HEMK1: variants seen among roughly 807,000 people sequenced by gnomAD.
HEMK1 encodes MTRF1L release factor glutamine methyltransferase.
HEMK1 carries 36 observed loss-of-function variants against 47.9 expected under a neutral mutation model. The ratio of observed to expected loss-of-function variants is 0.75; its 90% CI spans 0.58 to 0.99. HEMK1 has a LOEUF of 0.99. HEMK1 is among the 50% of genes least tolerant of loss of function. The probability of loss-of-function intolerance (pLI) is 0.00; values close to 1 mark genes in which losing one functional copy is unlikely to be tolerated. For synonymous variants in HEMK1, 153 were observed against 165.4 expected, an observed-to-expected ratio of 0.93 and a Z score of 0.57; for missense variants, 383 against 434.5, an observed-to-expected ratio of 0.88 and a Z score of 1.05.
At chr3:50,569,485 A>G (rs1700632360), upstream of HEMK1, 1 of 151,362 alleles carries the variant, frequency 6.6e-6, no homozygotes, top group African/African-American at 2.4e-5. Context: ...GGGGCGTCCG[A>G]GGGAGCGCGC....
At position 50,585,520 on chromosome 3, in the gene HEMK1, G is replaced by A. The variant is rs1483496073; in HGVS notation, c.*5103G>A. 1 of 152,262 alleles carries A rather than the reference G, an allele frequency of 6.6e-6. No individual in the cohort carries two copies. The highest frequency in any genetic ancestry group is 1.9e-4 in the East Asian group (1 of 5,200). 9.4% of individuals were successfully genotyped at this position (152,262 alleles called of 1,614,324 possible). A position where few individuals can be genotyped will look rare whatever the true frequency, so the allele number is the denominator to read the frequency against. On this transcript the variant is annotated 3_prime_UTR_variant, in exon 11 of 11. Transcript: ENST00000232854. ...GGGACTAGGACCTCCCTTTCCAGGG[G>A]TACTAAAGGACTCTGGAGACACCAT... is the stretch of plus-strand genomic sequence containing the variant.
In HEMK1 at chr3:50,594,448, A is replaced by G. The variant is rs1384909260; in HGVS notation, c.*14031A>G. 2 of 152,292 alleles carry G rather than the reference A, an allele frequency of 1.3e-5. No homozygotes were observed. The highest frequency in any genetic ancestry group is 2.9e-5 in the Non-Finnish European group (2 of 68,080). The allele number at this position is 152,292 out of a possible 1,614,324, so 9.4% of individuals were successfully genotyped here. A position where few individuals can be genotyped will look rare whatever the true frequency, so the allele number is the denominator to read the frequency against. Reference sequence around the variant, plus strand: ...GATCCTTATCCTTAGGCCATGGGGCATGCATTCAGTCACCATCTGCTGGCA... The same window carrying G: ...GATCCTTATCCTTAGGCCATGGGGCGTGCATTCAGTCACCATCTGCTGGCA... On this transcript the variant is annotated 3_prime_UTR_variant, in exon 11 of 11. Transcript: ENST00000232854.
In HEMK1 at chr3:50,580,741, G is replaced by A. The variant is rs1175370432; in HGVS notation, c.*324G>A. 2 of 410,086 alleles carry A rather than the reference G, an allele frequency of 4.9e-6. No homozygotes were observed. The highest frequency in any genetic ancestry group is 8.9e-6 in the Non-Finnish European group (2 of 224,898). The allele number at this position is 410,086 out of a possible 1,614,324, so 25.4% of individuals were successfully genotyped here. On this transcript the variant is annotated 3_prime_UTR_variant, in exon 11 of 11. Transcript: ENST00000232854. Reference sequence around the variant, plus strand: ...GACCCCCTTACTCCCAGGTAGCACTGGGGCAAGGGTTTCCTTCTGCCCCAG... The same window carrying A: ...GACCCCCTTACTCCCAGGTAGCACTAGGGCAAGGGTTTCCTTCTGCCCCAG...
At chr3:50,571,384 G>T in intron 2 of HEMK1, 52 bp downstream of exon 2, 3 of 1,370,292 alleles carry the variant, frequency 2.2e-6, no homozygotes, top group South Asian at 2.7e-5. Flanking sequence ...GGAGGACTTG[G>T]GGAAGGGATA....
At chr3:50,572,928 G>A (rs889928700) in intron 4 of HEMK1, among the ~76,000 whole-genome samples, 4 of 152,146 alleles carry the variant, frequency 2.6e-5, no homozygotes, top group Non-Finnish European at 4.4e-5. Flanking sequence ...GTGAGAGCTG[G>A]TGGGCAAGCC....
At position 50,592,103 on chromosome 3, in the gene HEMK1, A is replaced by AG. The variant is rs2031756517; in HGVS notation, c.*11686_*11687insG. 7.1e-6 allele frequency: 1 copy of AG among 140,696 alleles called. No homozygotes were observed. 8.7% of individuals were successfully genotyped at this position (140,696 alleles called of 1,614,324 possible). A position where few individuals can be genotyped will look rare whatever the true frequency, so the allele number is the denominator to read the frequency against. On this transcript the variant is annotated 3_prime_UTR_variant, in exon 11 of 11. Coordinates refer to ENST00000232854, the MANE Select transcript of HEMK1 (RefSeq NM_016173.5). ...ACGACAGAGTGAGACTCCGCATCAG[A>AG]AAAAAAAAAAAAAGAAAGAAAAGAG...
In HEMK1 at chr3:50,581,396, A is replaced by T. The variant is rs1193668913; in HGVS notation, c.*979A>T. ...ATGGCAAACCAGGCTGTCTCATTCC[A>T]CTAGACTGCCCCCTGCCACCCTGGC... is the stretch of plus-strand genomic sequence containing the variant. On this transcript the variant is annotated 3_prime_UTR_variant, in exon 11 of 11. Coordinates refer to ENST00000232854, the MANE Select transcript of HEMK1 (RefSeq NM_016173.5). 6.6e-6 allele frequency: 1 copy of T among 151,240 alleles called. No homozygotes were observed. The highest frequency in any genetic ancestry group is 2.4e-5 in the African/African-American group (1 of 41,428). 9.4% of individuals were successfully genotyped at this position (151,240 alleles called of 1,614,324 possible). A position where few individuals can be genotyped will look rare whatever the true frequency, so the allele number is the denominator to read the frequency against.
In HEMK1 at chr3:50,591,348, T is replaced by C. The variant is rs2031711812; in HGVS notation, c.*10931T>C. ...AGAACTCATGGACTTGCACATAGAC[T>C]CCTCCTGACAGGCCCCTCATGAGTA... On this transcript the variant is annotated 3_prime_UTR_variant, in exon 11 of 11. Transcript: ENST00000232854. The C allele has an allele frequency of 6.6e-6, 1 of 152,246 alleles. No homozygotes were observed. Among genetic ancestry groups the C allele is most frequent in the African/African-American group, 2.4e-5 (1 of 41,456 alleles). 9.4% of individuals were successfully genotyped at this position (152,246 alleles called of 1,614,324 possible).
chr3:50,592,096 G>A lies in HEMK1; in HGVS notation c.*11679G>A, dbSNP rs1158030996. On this transcript the variant is annotated 3_prime_UTR_variant, in exon 11 of 11. Transcript: ENST00000232854. ...AGCCTGGACGACAGAGTGAGACTCC[G>A]CATCAGAAAAAAAAAAAAAAGAAAG... 8 of 147,154 alleles carry A rather than the reference G, an allele frequency of 5.4e-5. No individual in the cohort carries two copies. Among genetic ancestry groups the A allele is most frequent in the African/African-American group, 7.6e-5 (3 of 39,342 alleles). 9.1% of individuals were successfully genotyped at this position (147,154 alleles called of 1,614,324 possible).
chr3:50,587,944 G>C lies in HEMK1; in HGVS notation c.*7527G>C, dbSNP rs2031493085. 6.6e-6 allele frequency: 1 copy of C among 152,276 alleles called. No individual in the cohort carries two copies. The highest frequency in any genetic ancestry group is 6.5e-5 in the Admixed American group (1 of 15,284). The allele number at this position is 152,276 out of a possible 1,614,324, so 9.4% of individuals were successfully genotyped here. A position where few individuals can be genotyped will look rare whatever the true frequency, so the allele number is the denominator to read the frequency against. ...TTGCTGAGGGTTTGGATGTGAGATGGCCAGGACCACAGTGGGCCCAGGGAT... is the reference window on the plus strand; with the variant it reads ...TTGCTGAGGGTTTGGATGTGAGATGCCCAGGACCACAGTGGGCCCAGGGAT... On this transcript the variant is annotated 3_prime_UTR_variant, in exon 11 of 11. Coordinates refer to ENST00000232854, the MANE Select transcript of HEMK1 (RefSeq NM_016173.5). The surrounding 1 kb of genome is among the most constrained non-coding windows in gnomAD (Gnocchi z 4.2).
intron 1 of HEMK1, 181 bp from the exon 2 acceptor site, chr3:50,570,750 A>G (rs1700861937): frequency 5.2e-6 from 1 of 191,730 alleles, no homozygotes; most frequent in African/African-American, 2.3e-5. Flanking sequence ...AGCCCACTCC[A>G]GCTAAAAATG....
chr3:50,574,157 C>T (rs1020022362), intron 4 of HEMK1, among the ~76,000 whole-genome samples: 4 of 152,232 alleles, frequency 2.6e-5, no homozygotes, highest in Admixed American at 6.5e-5. Context: ...ACCTCTTTCC[C>T]GCATGCGTCT....
rs1244228230 is a variant in HEMK1, at chr3:50,577,544, T to C, written c.585T>C (p.Ala195=). ...RVIAVDKREA[A]ISLTHENAQR... ...TTGCTGTGGATAAGCGGGAAGCTGC[T>C]ATCTCTCTGACCCATGAGAATGCTC... The change falls in exon 6 of 11, where the codon GCT becomes GCC. Residue 195 remains alanine (A), a synonymous_variant. Transcript: ENST00000232854. 2 of 1,614,142 alleles carry C rather than the reference T, an allele frequency of 1.2e-6. No individual in the cohort carries two copies. Among genetic ancestry groups the C allele is most frequent in the Non-Finnish European group, 1.7e-6 (2 of 1,179,994 alleles).
At chr3:50,570,335 A>C (rs1023846956) in intron 1 of HEMK1, 1 of 152,200 alleles carries the variant, frequency 6.6e-6, no homozygotes, top group African/African-American at 2.4e-5. Context: ...TACAATTGTA[A>C]ATTTTTTAGT....
intron 8 of HEMK1, among the ~76,000 whole-genome samples, chr3:50,579,352 C>T (rs2269507): frequency 0.1 from 15,307 of 152,080 alleles, 952 homozygotes; most frequent in Non-Finnish European, 0.13. Context: ...GTGGGAAAGC[C>T]GGGACTAAAA....
chr3:50,571,749 A>T lies in HEMK1; in HGVS notation c.268A>T (p.Thr90Ser). ...LRPALWTQPL[T>S]SQQLQCIREL... ...GCCGGCACTTTGGACCCAGCCCTTG[A>T]CCTCTCAGCAACTACAGTGTATCCG... Residue 90 changes from threonine (T) to serine (S), a missense_variant, in exon 3 of 11, where the codon ACC (threonine) becomes TCC (serine). Physicochemically the swap from Thr to Ser is moderately conservative, Grantham distance 58. Transcript: ENST00000232854. 1 of 1,613,972 alleles carries T rather than the reference A, an allele frequency of 6.2e-7. No homozygotes were observed. Among genetic ancestry groups the T allele is most frequent in the Non-Finnish European group, 8.5e-7 (1 of 1,179,976 alleles).
At position 50,577,523 on chromosome 3, in the gene HEMK1, T is replaced by C. The variant is rs544804909; in HGVS notation, c.564T>C (p.Ala188=). ...TCTTGGGACAGAGCCGAGTCATTGC[T>C]GTGGATAAGCGGGAAGCTGCTATCT... ...LSQLPQSRVI[A]VDKREAAISL... The change falls in exon 6 of 11, where the codon GCT becomes GCC. Residue 188 remains alanine (A), a synonymous_variant. Transcript: ENST00000232854. The C allele has an allele frequency of 4.3e-6, 7 of 1,614,178 alleles. No individual in the cohort carries two copies. In the East Asian group the frequency reaches 1.1e-4, roughly 26 times the overall value.
intron 6 of HEMK1, 92 bp downstream of exon 6, chr3:50,577,665 G>A: frequency 7.0e-7 from 1 of 1,434,932 alleles, no homozygotes; most frequent in Admixed American, 1.7e-5. Context: ...CAAGAAGGAG[G>A]AAGCAGTGGG....
In HEMK1 at chr3:50,585,126, A is replaced by T. The variant is rs1450579840; in HGVS notation, c.*4709A>T. On this transcript the variant is annotated 3_prime_UTR_variant, in exon 11 of 11. Transcript: ENST00000232854. ...GAATGGGACTGGGATGTGGGGAGAA[A>T]GTGCAAGGCTGGCCTCCATGGCCCA... is the stretch of plus-strand genomic sequence containing the variant. 1 of 152,282 alleles carries T rather than the reference A, an allele frequency of 6.6e-6. No homozygotes were observed. Among genetic ancestry groups the T allele is most frequent in the Non-Finnish European group, 1.5e-5 (1 of 68,108 alleles). 9.4% of individuals were successfully genotyped at this position (152,282 alleles called of 1,614,324 possible).
Sources: allele counts gnomAD v4.1 joint callset (sites outside exome capture counted in the v4.1 genomes callset), GRCh38; gene constraint gnomAD v4.1.1; non-coding constraint Gnocchi (gnomAD v3.1); transcripts MANE v1.5; gene names NCBI Gene and HGNC (gene_info 2026-07-23, HGNC 2026-07-21).